The following ATP11A variants were observed in gnomAD, a reference collection of about 807,000 sequenced individuals.
The protein encoded by ATP11A is phospholipid-transporting ATPase IH.
In ATP11A, 81 loss-of-function variants were observed where a neutral mutation model predicts 154.4. That is an observed-to-expected ratio of 0.52 (90% CI 0.44 to 0.63). ATP11A has a LOEUF of 0.63. Ranked by LOEUF, ATP11A falls within the 30% of genes least tolerant of loss-of-function variation. The pLI is 0.00. For missense variants in ATP11A, 1,316 were observed against 1,474.3 expected (o/e 0.89, Z 1.76); for synonymous variants, 623 against 585.9 (o/e 1.06, Z -0.91).
chr13:112,727,369 T>C (rs374523502), intron 1 of ATP11A, among the ~76,000 whole-genome samples: 1 of 152,224 alleles, frequency 6.6e-6, no homozygotes, highest in East Asian at 1.9e-4. Flanking sequence ...TAGTGATAAC[T>C]TGCTGCTCTA....
chr13:112,787,985 C>T lies in ATP11A; in HGVS notation c.162+2728C>T, dbSNP rs147055446. 1.3e-3 allele frequency among the ~76,000 whole-genome samples: 194 copies of T among 150,424 alleles called. 3 individuals are homozygous for T. In the East Asian group the frequency reaches 0.022, roughly 17 times the overall value. On this transcript the variant is annotated intron_variant, in intron 2 of 29. Transcript: ENST00000375645. The stretch of plus-strand genomic sequence containing the variant: ...CTGTGGAGACCTACTTAATTCACAC[C>T]GGATGTCCTGATGTGTAGACCCCTG...
rs763558374 is a variant in ATP11A, at chr13:112,851,150, G to C, written c.1923G>C (p.Lys641Asn). 6.2e-7 allele frequency: 1 copy of C among 1,614,224 alleles called. No homozygotes were observed. The highest frequency in any genetic ancestry group is 8.5e-7 in the Non-Finnish European group (1 of 1,180,042). Residue 641 changes from lysine to asparagine, a missense_variant, in exon 18 of 30, where the codon AAG becomes AAC. Lys to Asn is a moderately conservative substitution (Grantham distance 94). Around this residue, in one of 5 missense-constraint regions of ATP11A, gnomAD observed 876 missense variants for 1,006.8 expected, o/e 0.87. Coordinates refer to ENST00000375645, the MANE Select transcript of ATP11A (RefSeq NM_015205.3). ...AKVALQDREK[K>N]LAEAYEQIEK... ...TGGCCCTTCAAGATCGAGAGAAAAA[G>C]TTAGCAGAAGCCTATGAGCAAATAG...
chr13:112,880,526 T>C, intron 29 of ATP11A: 1 of 1,295,354 alleles, frequency 7.7e-7, no homozygotes, highest in Non-Finnish European at 1.0e-6. Flanking sequence ...CGTCGCTCAG[T>C]ATCTTTCCTC....
Position 112,690,060 on chromosome 13 carries a change from A to G in ATP11A, c.-357A>G, listed in dbSNP as rs1594289411. Among the ~76,000 whole-genome samples the G allele has an allele frequency of 2.0e-5, 3 of 148,566 alleles. No homozygotes were observed. The highest frequency in any genetic ancestry group is 3.9e-4 in the East Asian group (2 of 5,116). On this transcript the variant is annotated 5_prime_UTR_variant, in exon 1 of 30. Coordinates refer to ENST00000375645, the MANE Select transcript of ATP11A (RefSeq NM_015205.3). This position sits in a 1 kb window ranked among gnomAD's most constrained non-coding sequence, Gnocchi z 5.6. ...TCCAGAGGGCGGCGGGCAGGGGAGGAGGAGACTCGGGAGGAGCAGAGCGCA... is the reference window on the plus strand; with the variant it reads ...TCCAGAGGGCGGCGGGCAGGGGAGGGGGAGACTCGGGAGGAGCAGAGCGCA...
Position 112,883,427 on chromosome 13 carries a change from C to T in ATP11A, c.*1561C>T. 2 of 380,850 alleles carry T rather than the reference C, an allele frequency of 5.3e-6. No homozygotes were observed. The highest frequency in any genetic ancestry group is 3.8e-5 in the East Asian group (1 of 26,642). The allele number at this position is 380,850 out of a possible 1,614,324, so 23.6% of individuals were successfully genotyped here. ...CACCAACGCTGGAGGAGGAGCCGGC[C>T]CTCACGCCCGCCCCGCGCCACGCTG... On this transcript the variant is annotated 3_prime_UTR_variant, in exon 30 of 30. Coordinates refer to ENST00000375645, the MANE Select transcript of ATP11A (RefSeq NM_015205.3).
intron 1 of ATP11A, among the ~76,000 whole-genome samples, chr13:112,711,511 C>T (rs117525604): frequency 1.3e-5 from 2 of 151,896 alleles, no homozygotes; most frequent in East Asian, 3.9e-4. Context: ...TTTAAATCCA[C>T]CTGATGAGAA....
At chr13:112,828,278 T>A (rs546426813) in intron 12 of ATP11A, among the ~76,000 whole-genome samples, 1 of 139,140 alleles carries the variant, frequency 7.2e-6, no homozygotes, top group East Asian at 2.2e-4. Flanking sequence ...CCAGCAGTGT[T>A]GAGTAGGGGG....
At chr13:112,698,966 G>A (rs1886200378) in intron 1 of ATP11A, among the ~76,000 whole-genome samples, 1 of 152,180 alleles carries the variant, frequency 6.6e-6, no homozygotes, top group African/African-American at 2.4e-5. Flanking sequence ...GACCTCAAAT[G>A]ATCCATCTGC....
At chr13:112,861,599 T>C (rs1332781333) in intron 24 of ATP11A, among the ~76,000 whole-genome samples, 2 of 152,250 alleles carry the variant, frequency 1.3e-5, no homozygotes, top group Non-Finnish European at 2.9e-5. Context: ...CTCACTTCCC[T>C]GCCTGGGATT....
At chr13:112,836,833 G>A (rs1377856910) in intron 16 of ATP11A, among the ~76,000 whole-genome samples, 1 of 152,188 alleles carries the variant, frequency 6.6e-6, no homozygotes, top group Non-Finnish European at 1.5e-5. Flanking sequence ...GACCCACACG[G>A]TTGGGCACTC....
intron 2 of ATP11A, among the ~76,000 whole-genome samples, chr13:112,797,213 G>C (rs2078022346): frequency 6.8e-6 from 1 of 146,058 alleles, no homozygotes. Context: ...AAGCTGGGAG[G>C]CAGAGGTTGC....
rs563055680 is a variant in ATP11A, at chr13:112,881,416, C to T, written c.*10-460C>T. The T allele has an allele frequency of 1.6e-3, 1,654 of 1,041,894 alleles. 1 individual carries two copies. The highest frequency in any genetic ancestry group is 1.8e-3 in the Non-Finnish European group (1,593 of 864,622). 64.5% of individuals were successfully genotyped at this position (1,041,894 alleles called of 1,614,324 possible). A position where few individuals can be genotyped will look rare whatever the true frequency, so the allele number is the denominator to read the frequency against. ...CCTGCCTTCCCTGGGGCAGTGAGTT[C>T]GCCTTTTGTTCAAGGGTCTCTGGGT... On this transcript the variant is annotated intron_variant, in intron 29 of 29. Transcript: ENST00000375645.
chr13:112,824,042 A>G (rs1307659293), intron 9 of ATP11A, among the ~76,000 whole-genome samples: 2 of 152,014 alleles, frequency 1.3e-5, no homozygotes, highest in Non-Finnish European at 1.5e-5. Context: ...TTTTTTTCAA[A>G]TATTTTCCAT....
At chr13:112,723,627 G>T (rs1468848599) in intron 1 of ATP11A, among the ~76,000 whole-genome samples, 2 of 151,840 alleles carry the variant, frequency 1.3e-5, no homozygotes, top group African/African-American at 4.8e-5. Flanking sequence ...CTGGTCAGTT[G>T]TGTCTAAACC....
At chr13:112,778,199 C>T (rs372007964) in intron 1 of ATP11A, among the ~76,000 whole-genome samples, 25 of 152,348 alleles carry the variant, frequency 1.6e-4, no homozygotes, top group African/African-American at 4.6e-4. Flanking sequence ...GAAAGCTCAC[C>T]GGAGGCCCCA....
rs2080860424 is a variant in ATP11A at position 112,880,725 on chromosome 13, C to T, written c.*10-1151C>T. 3 of 1,197,336 alleles carry T rather than the reference C, an allele frequency of 2.5e-6. No individual in the cohort carries two copies. In the South Asian group the frequency reaches 4.5e-5, roughly 18 times the overall value. 74.2% of individuals were successfully genotyped at this position (1,197,336 alleles called of 1,614,324 possible). ...GTTTTTCCTCCAAAGTTGTGCTGTG[C>T]TGTGCTGTCTTTGATAACAAAGGTT... is the stretch of plus-strand genomic sequence containing the variant. On this transcript the variant is annotated intron_variant, in intron 29 of 29. Transcript: ENST00000375645.
In ATP11A at chr13:112,818,305, G is replaced by A. The variant is rs559938939; in HGVS notation, c.571-999G>A. 5.4e-4 allele frequency among the ~76,000 whole-genome samples: 82 copies of A among 151,642 alleles called. No homozygotes were observed. The South Asian group carries it at 0.017, about 31-fold the overall frequency. On this transcript the variant is annotated intron_variant, in intron 6 of 29. Transcript: ENST00000375645. ...GCTTGGTGACAGGCGATGACCGTTG[G>A]TGCGCTTGGTGACGGGGCGGTGACC...
chr13:112,721,642 G>T (rs1396574112), intron 1 of ATP11A, among the ~76,000 whole-genome samples: 5 of 152,228 alleles, frequency 3.3e-5, no homozygotes, highest in South Asian at 2.1e-4. Flanking sequence ...CAGCAGAAGG[G>T]CCTGGGGTTA....
chr13:112,858,318 G>A (rs1330832024), intron 22 of ATP11A, 28 bp downstream of exon 22: 1 of 1,595,772 alleles, frequency 6.3e-7, no homozygotes. Context: ...CCCCCTCACG[G>A]TGTTAGCAAC....
Sources: gnomAD v4.1 joint callset for allele counts (sites outside exome capture counted in the v4.1 genomes callset) on GRCh38, gnomAD v4.1.1 for gene constraint, gnomAD v4.1.1 regional missense constraint, Gnocchi (gnomAD v3.1) non-coding constraint, MANE v1.5 for transcripts, NCBI Gene and HGNC (gene_info 2026-07-23, HGNC 2026-07-21) for gene names.